Variants in NECTIN3 observed in about 807,000 individuals in gnomAD.
NECTIN3 encodes nectin-3.
NECTIN3 carries 8 observed loss-of-function variants against 49.4 expected under a neutral mutation model. That is an observed-to-expected ratio of 0.16 (90% CI 0.10 to 0.29). The LOEUF is 0.29. NECTIN3 is among the 10% of genes least tolerant of loss of function. NECTIN3 has a pLI of 1.00. For synonymous variants in NECTIN3, 277 were observed against 241.1 expected (o/e 1.15, Z -1.38); for missense variants, 581 against 654.6 (o/e 0.89, Z 1.23).
At chr3:111,159,833 T>C (rs1177922804) in intron 7 of NECTIN3, among the ~76,000 whole-genome samples, 1 of 152,238 alleles carries the variant, frequency 6.6e-6, no homozygotes, top group African/African-American at 2.4e-5. Context: ...TCTGTAATTT[T>C]TAAAAATCTC....
chr3:111,104,389 G>A (rs9853370), intron 1 of NECTIN3, among the ~76,000 whole-genome samples: 1 of 148,188 alleles, frequency 6.7e-6, no homozygotes, highest in Non-Finnish European at 1.5e-5. Flanking sequence ...GGCATGACTG[G>A]AGTTTACTGC....
chr3:111,192,355 A>AAC lies in NECTIN3; in HGVS notation c.8_9dup (p.Leu4ThrfsTer36). 1 of 1,535,868 alleles carries AAC rather than the reference A, an allele frequency of 6.5e-7. No individual in the cohort carries two copies. ...TCTTTTTGTGTTTTCTTCCAGCCTG[A>AAC]ACACTTGCCTTTGCAGACTCAGTTC... On this transcript the variant is annotated frameshift_variant, in exon 1 of 2. Transcript: ENST00000485506. LOFTEE classifies it high-confidence loss of function.
At chr3:111,118,973 A>G (rs1355500471) in intron 3 of NECTIN3, 21 bp downstream of exon 3, 1 of 1,539,106 alleles carries the variant, frequency 6.5e-7, no homozygotes, top group Admixed American at 2.0e-5. Context: ...GGTAACATTT[A>G]CTTTTTAAAT....
At chr3:111,152,281 A>G (rs1415111901) in intron 7 of NECTIN3, among the ~76,000 whole-genome samples, 1 of 151,898 alleles carries the variant, frequency 6.6e-6, no homozygotes. Context: ...CAAACAGTAA[A>G]TGTATTTATA....
At chr3:111,139,189 CAT>C (rs1485695174), downstream of NECTIN3, among the ~76,000 whole-genome samples, 2 of 151,604 alleles carry the variant, frequency 1.3e-5, no homozygotes, top group African/African-American at 4.8e-5. Flanking sequence ...ACCACAGTAT[CAT>C]TATTACACCA....
downstream of NECTIN3, among the ~76,000 whole-genome samples, chr3:111,141,750 G>A (rs913647214): frequency 3.3e-5 from 5 of 152,008 alleles, no homozygotes; most frequent in East Asian, 1.9e-4. Flanking sequence ...CACTCTTTTA[G>A]TGGTAATTAT....
At chr3:111,107,725 T>C (rs972434096) in intron 1 of NECTIN3, among the ~76,000 whole-genome samples, 1 of 152,184 alleles carries the variant, frequency 6.6e-6, no homozygotes, top group East Asian at 1.9e-4. Context: ...GCTTAAAGAT[T>C]GGTAGTCTCT....
intron 1 of NECTIN3, among the ~76,000 whole-genome samples, chr3:111,091,533 C>A (rs1041419731): frequency 6.6e-6 from 1 of 152,084 alleles, no homozygotes; most frequent in Non-Finnish European, 1.5e-5. Flanking sequence ...TTATAACAGG[C>A]GTGAGCCACT....
rs922977771 is a variant in NECTIN3, at chr3:111,102,720, G to A, written c.161-9310G>A. 7.9e-5 allele frequency among the ~76,000 whole-genome samples: 12 copies of A among 152,134 alleles called. No homozygotes were observed. In the South Asian group the frequency reaches 8.3e-4, roughly 10 times the overall value. ...GTGTTTCATCTAAAACATTATTGTC[G>A]TATCTAAGGTCATCTAGATTTTTTT... is the stretch of plus-strand genomic sequence containing the variant. On this transcript the variant is annotated intron_variant, in intron 1 of 5. Transcript: ENST00000485303.
At chr3:111,072,719 C>G in intron 1 of NECTIN3, 2 of 811,136 alleles carry the variant, frequency 2.5e-6, no homozygotes, top group Non-Finnish European at 3.8e-6. Context: ...GTGCCCACTC[C>G]CCCGGCTCTG....
At chr3:111,142,798 G>GA (rs569551743) in intron 5 of NECTIN3, among the ~76,000 whole-genome samples, 13 of 150,706 alleles carry the variant, frequency 8.6e-5, no homozygotes, top group Admixed American at 2.6e-4. Flanking sequence ...AAGTATTTTT[G>GA]AAAAAAAACC....
At chr3:111,167,106 T>G (rs982549199) in intron 7 of NECTIN3, among the ~76,000 whole-genome samples, 2 of 152,236 alleles carry the variant, frequency 1.3e-5, no homozygotes, top group Non-Finnish European at 2.9e-5. Flanking sequence ...CTAAGTGACT[T>G]TTGCATTTTG....
chr3:111,133,592 C>G, intron 5 of NECTIN3, 43 bp from the exon 6 acceptor site: 2 of 1,571,384 alleles, frequency 1.3e-6, no homozygotes, highest in Non-Finnish European at 1.7e-6. Flanking sequence ...CATTGACATT[C>G]TTTGCCTTTC....
In NECTIN3 at chr3:111,155,179, G is replaced by T. The variant is rs113959581; in HGVS notation, c.1221+7695G>T. Among the ~76,000 whole-genome samples, 4 of 152,204 alleles carry T rather than the reference G, an allele frequency of 2.6e-5. No individual in the cohort carries two copies. In the South Asian group the frequency reaches 8.3e-4, roughly 32 times the overall value. On this transcript the variant is annotated intron_variant, in intron 7 of 8. Transcript: ENST00000493615. The stretch of plus-strand genomic sequence containing the variant: ...TCTTGATCTCTTGACTTCTTGATCC[G>T]CCTGCCTCGGCCTCCCAAAAGTGCT...
chr3:111,072,825 C>G, intron 1 of NECTIN3: 1 of 404,994 alleles, frequency 2.5e-6, no homozygotes, highest in South Asian at 2.7e-5. Context: ...TTTACCAAAC[C>G]GCAGGAACAA....
At chr3:111,146,797 C>G (rs2034886070) in intron 6 of NECTIN3, among the ~76,000 whole-genome samples, 1 of 152,008 alleles carries the variant, frequency 6.6e-6, no homozygotes, top group South Asian at 2.1e-4. Flanking sequence ...TTAAAACTAT[C>G]TTTGTTATAA....
chr3:111,168,688 C>G (rs1324685467), intron 7 of NECTIN3, among the ~76,000 whole-genome samples: 1 of 152,148 alleles, frequency 6.6e-6, no homozygotes, highest in Non-Finnish European at 1.5e-5. Context: ...AATTCACAAG[C>G]TGCTATGAGG....
At chr3:111,179,877 C>T (rs2035596433) in intron 7 of NECTIN3, among the ~76,000 whole-genome samples, 1 of 134,238 alleles carries the variant, frequency 7.4e-6, no homozygotes, top group African/African-American at 3.3e-5. Context: ...GGTGACAGAG[C>T]AAGACTCTGT....
At chr3:111,147,565 ATGT>A (rs1235686909) in intron 7 of NECTIN3, 8 of 1,161,374 alleles carry the variant, frequency 6.9e-6, no homozygotes, top group African/African-American at 4.7e-5. Flanking sequence ...TTCTTTCAAA[ATGT>A]TGTTTAGTCA....
Sources: allele counts gnomAD v4.1 joint callset (sites outside exome capture counted in the v4.1 genomes callset), GRCh38; gene constraint gnomAD v4.1.1; transcripts MANE v1.5; gene names NCBI Gene and HGNC (gene_info 2026-07-23, HGNC 2026-07-21).